The following JAZF1 variants were observed in gnomAD, a reference collection of about 807,000 sequenced individuals.
The protein encoded by JAZF1 is juxtaposed with another zinc finger protein 1.
JAZF1 carries 8 observed loss-of-function variants against 26.4 expected under a neutral mutation model. That is an observed-to-expected ratio of 0.30 (90% confidence interval 0.18 to 0.55). The LOEUF (loss-of-function observed/expected upper bound fraction) is 0.55, where lower values mean the gene tolerates loss of function less well. Among genes scored for constraint, JAZF1 ranks in the 20% least tolerant of loss-of-function variants. The probability of loss-of-function intolerance (pLI) is 0.94; values close to 1 mark genes in which losing one functional copy is unlikely to be tolerated. For synonymous variants in JAZF1, 126 were observed against 122.3 expected (o/e 1.03, Z -0.20); for missense variants, 199 against 322.0 (o/e 0.62, Z 2.92).
intron 2 of JAZF1, among the ~76,000 whole-genome samples, chr7:27,987,084 G>T (rs1044919181): frequency 6.6e-6 from 1 of 151,992 alleles, no homozygotes; most frequent in Non-Finnish European, 1.5e-5. Flanking sequence ...CACCCCATCT[G>T]GGAAGTGAGG....
intron 2 of JAZF1, among the ~76,000 whole-genome samples, chr7:27,979,104 G>T (rs1481721242): frequency 6.6e-6 from 1 of 152,124 alleles, no homozygotes; most frequent in Non-Finnish European, 1.5e-5. Flanking sequence ...AGTACAGGGA[G>T]TCCTACAAAG....
rs376579142 is a variant in JAZF1 at position 28,027,906 on chromosome 7, C to T, written c.116-35925G>A. Among the ~76,000 whole-genome samples, 34 of 152,312 alleles carry T rather than the reference C, an allele frequency of 2.2e-4. 1 individual carries two copies. In the South Asian group the frequency reaches 6.8e-3, roughly 31 times the overall value. On this transcript the variant is annotated intron_variant, in intron 1 of 4. Coordinates refer to ENST00000283928, the MANE Select transcript of JAZF1 (RefSeq NM_175061.4). ...TGCAGTGGGGAAACAGGGCTATCAG[C>T]TTCACTGAACAGCAAAACAGAACTT...
chr7:28,033,830 C>T (rs1783234908), intron 1 of JAZF1, among the ~76,000 whole-genome samples: 1 of 152,156 alleles, frequency 6.6e-6, no homozygotes, highest in South Asian at 2.1e-4. Context: ...ACAATCTCCA[C>T]TTCCTGGGTT....
chr7:27,894,659 T>A (rs949172357), intron 3 of JAZF1, among the ~76,000 whole-genome samples: 2 of 152,110 alleles, frequency 1.3e-5, no homozygotes, highest in Admixed American at 6.6e-5. Context: ...GATTGGTGAA[T>A]AGGTGGGTAT....
At chr7:28,137,844 T>C (rs1016169032) in intron 1 of JAZF1, among the ~76,000 whole-genome samples, 22 of 152,186 alleles carry the variant, frequency 1.4e-4, no homozygotes, top group African/African-American at 5.3e-4. Flanking sequence ...TCTGACACTC[T>C]TCCAAGAACT....
chr7:27,992,170 T>C, intron 1 of JAZF1, 189 bp from the exon 2 acceptor site: 1 of 657,550 alleles, frequency 1.5e-6, no homozygotes. Flanking sequence ...ATTGCATTAC[T>C]TTTCAAGGGA....
At chr7:27,883,589 A>G (rs1002747533) in intron 3 of JAZF1, among the ~76,000 whole-genome samples, 4 of 152,250 alleles carry the variant, frequency 2.6e-5, no homozygotes, top group African/African-American at 9.6e-5. Flanking sequence ...TGGACTACTT[A>G]GAGTTTCTGA....
chr7:28,080,319 T>C (rs571629379), intron 1 of JAZF1, among the ~76,000 whole-genome samples: 2 of 152,364 alleles, frequency 1.3e-5, no homozygotes, highest in Non-Finnish European at 2.9e-5. Flanking sequence ...GGGAATGTTA[T>C]GGCTGTGTTG....
At chr7:28,157,089 C>T (rs948731694) in intron 1 of JAZF1, among the ~76,000 whole-genome samples, 1 of 152,224 alleles carries the variant, frequency 6.6e-6, no homozygotes, top group African/African-American at 2.4e-5. Context: ...GTGGTCTGCT[C>T]AATGTAACTC....
chr7:28,063,703 T>C (rs1177352709), intron 1 of JAZF1, among the ~76,000 whole-genome samples: 3 of 152,140 alleles, frequency 2.0e-5, no homozygotes, highest in African/African-American at 4.8e-5. Context: ...AAGAAAAGAA[T>C]GATATGTATT....
chr7:28,122,882 C>T (rs538005293), intron 1 of JAZF1, among the ~76,000 whole-genome samples: 33 of 152,272 alleles, frequency 2.2e-4, no homozygotes, highest in African/African-American at 7.7e-4. Context: ...ATGATGGTTC[C>T]TTCACATAAG....
At chr7:27,945,144 A>T (rs944604309) in intron 2 of JAZF1, among the ~76,000 whole-genome samples, 3 of 152,020 alleles carry the variant, frequency 2.0e-5, no homozygotes, top group African/African-American at 7.2e-5. Flanking sequence ...TTTTTTTTTA[A>T]AAAAATCTTG....
intron 2 of JAZF1, among the ~76,000 whole-genome samples, chr7:27,934,163 C>T (rs923873399): frequency 1.3e-5 from 2 of 152,102 alleles, no homozygotes; most frequent in Non-Finnish European, 2.9e-5. Flanking sequence ...TCAGGGTGCA[C>T]ATTCAAAATA....
chr7:28,148,902 T>A (rs1408487386), intron 1 of JAZF1, among the ~76,000 whole-genome samples: 1 of 152,102 alleles, frequency 6.6e-6, no homozygotes, highest in Non-Finnish European at 1.5e-5. Context: ...CTCCTTGCGG[T>A]TTACGCAGTC....
At chr7:27,982,885 T>C (rs1785615977) in intron 2 of JAZF1, among the ~76,000 whole-genome samples, 2 of 152,154 alleles carry the variant, frequency 1.3e-5, no homozygotes, top group Non-Finnish European at 2.9e-5. Context: ...GGGTCCTGAC[T>C]ATTAGAAGGA....
chr7:28,013,856 T>C (rs1782839332), intron 1 of JAZF1, among the ~76,000 whole-genome samples: 1 of 152,102 alleles, frequency 6.6e-6, no homozygotes, highest in African/African-American at 2.4e-5. Flanking sequence ...GAATTATCCA[T>C]CACATGTCCA....
intron 3 of JAZF1, among the ~76,000 whole-genome samples, chr7:27,868,774 G>C (rs1783529316): frequency 6.6e-6 from 1 of 152,184 alleles, no homozygotes; most frequent in Non-Finnish European, 1.5e-5. Context: ...ACTCCTTCAA[G>C]CTCCAGTTAC....
intron 3 of JAZF1, among the ~76,000 whole-genome samples, chr7:27,876,349 C>G (rs1783679417): frequency 6.6e-6 from 1 of 152,150 alleles, no homozygotes; most frequent in African/African-American, 2.4e-5. Context: ...CTACTGGACT[C>G]TAGAATAGCT....
At chr7:27,946,856 G>T (rs1316410667) in intron 2 of JAZF1, among the ~76,000 whole-genome samples, 13 of 152,180 alleles carry the variant, frequency 8.5e-5, no homozygotes, top group Non-Finnish European at 1.5e-5. Context: ...CCTTGAACTT[G>T]TGTCTACATG....
Sources: allele counts gnomAD v4.1 joint callset (sites outside exome capture counted in the v4.1 genomes callset), GRCh38; gene constraint gnomAD v4.1.1; transcripts MANE v1.5; gene names NCBI Gene and HGNC (gene_info 2026-07-23, HGNC 2026-07-21).